Variants in SLC36A1 observed in about 807,000 individuals in gnomAD.
SLC36A1 encodes solute carrier family 36 member 1.
In SLC36A1, 30 loss-of-function variants were observed where a neutral mutation model predicts 47.5. That is an observed-to-expected ratio of 0.63 (90% CI 0.47 to 0.86). The LOEUF (loss-of-function observed/expected upper bound fraction) is 0.86. SLC36A1 is among the 40% of genes least tolerant of loss of function. The probability of loss-of-function intolerance (pLI) is 0.00; values close to 1 mark genes in which losing one functional copy is unlikely to be tolerated. For missense variants in SLC36A1, 517 were observed against 606.0 expected, an observed-to-expected ratio of 0.85 and a Z score of 1.54; for synonymous variants, 255 against 249.7, an observed-to-expected ratio of 1.02 and a Z score of -0.20.
At chr5:151,405,365 T>TG in the SLC36A1 span, among the ~76,000 whole-genome samples, 2 of 147,882 alleles carry the variant, frequency 1.4e-5, no homozygotes, top group Admixed American at 6.7e-5. Flanking sequence ...TTTTTTTTTT[T>TG]TTGAGATAGG....
At chr5:151,397,759 C>T in the SLC36A1 span, among the ~76,000 whole-genome samples, 913 of 51,426 alleles carry the variant, frequency 0.018, 3 homozygotes, top group Non-Finnish European at 0.023. Flanking sequence ...AGCAAAACTC[C>T]AACTCAAAAA....
chr5:151,453,284 AT>A (rs375198282), intron 1 of SLC36A1, among the ~76,000 whole-genome samples: 19 of 150,946 alleles, frequency 1.3e-4, no homozygotes, highest in Middle Eastern at 3.4e-3. Flanking sequence ...CCAGAAATCT[AT>A]TTTTTTTTCC....
the SLC36A1 span, among the ~76,000 whole-genome samples, chr5:151,429,440 C>T: frequency 2.7e-5 from 4 of 147,504 alleles, no homozygotes; most frequent in Non-Finnish European, 1.5e-5. Context: ...TGAGTGAGAA[C>T]ATAACAGTGT....
upstream of SLC36A1, among the ~76,000 whole-genome samples, chr5:151,433,267 T>C (rs1759552593): frequency 1.3e-4 from 1 of 7,650 alleles, no homozygotes; most frequent in African/African-American, 3.7e-4. Flanking sequence ...TATATATATA[T>C]TTTTTTTTTT....
the SLC36A1 span, among the ~76,000 whole-genome samples, chr5:151,541,229 T>C: frequency 6.6e-6 from 1 of 152,236 alleles, no homozygotes; most frequent in Admixed American, 6.5e-5. Context: ...TTGTAAGTCA[T>C]CTTTCTTTCC....
Position 151,473,741 on chromosome 5 carries a change from A to G in SLC36A1, c.792A>G (p.Thr264=), listed in dbSNP as rs1757644675. ...PWKTYPLFFG[T]AIFSFEGIGM... is the part of the protein sequence containing the mutation. ...AGACCTACCCTCTCTTCTTTGGCAC[A>G]GCGATTTTTTCATTTGAAGGCATTG... Residue 264 remains threonine, a synonymous_variant, in exon 8 of 11, where the codon ACA becomes ACG. Transcript: ENST00000243389. 2 of 1,614,012 alleles carry G rather than the reference A, an allele frequency of 1.2e-6. No individual in the cohort carries two copies. The highest frequency in any genetic ancestry group is 1.6e-4 in the Middle Eastern group (1 of 6,062).
chr5:151,551,708 T>C, the SLC36A1 span: 6 of 1,234,086 alleles, frequency 4.9e-6, no homozygotes, highest in Non-Finnish European at 6.9e-6. Flanking sequence ...CGGTGGTAAA[T>C]TCCACAGTAC....
chr5:151,520,119 C>G, the SLC36A1 span, among the ~76,000 whole-genome samples: 1 of 152,326 alleles, frequency 6.6e-6, no homozygotes, highest in South Asian at 2.1e-4. Context: ...ATCGAGTGGT[C>G]CCTGGACAAA....
chr5:151,479,414 T>A lies in SLC36A1; in HGVS notation c.1084T>A (p.Phe362Ile). 1 of 1,614,212 alleles carries A rather than the reference T, an allele frequency of 6.2e-7. No individual in the cohort carries two copies. The highest frequency in any genetic ancestry group is 8.5e-7 in the Non-Finnish European group (1 of 1,180,012). Residue 362 changes from phenylalanine (F) to isoleucine (I), a missense_variant, in exon 10 of 11, where the codon TTT becomes ATT. By Grantham distance (21) the Phe-to-Ile change is conservative. Coordinates refer to ENST00000243389, the MANE Select transcript of SLC36A1 (RefSeq NM_078483.4). Reference sequence around the variant, plus strand: ...CCCGGCTGAGATCATCATCCCCTTCTTTGTGTCCCGAGCGCCCGAGCACTG... The same window carrying A: ...CCCGGCTGAGATCATCATCCCCTTCATTGTGTCCCGAGCGCCCGAGCACTG... Reference protein sequence around the residue: ...YVPAEIIIPFFVSRAPEHCEL... With the variant: ...YVPAEIIIPFIVSRAPEHCEL...
chr5:151,375,527 GC>G, the SLC36A1 span, among the ~76,000 whole-genome samples: 2 of 151,952 alleles, frequency 1.3e-5, no homozygotes, highest in Non-Finnish European at 2.9e-5. Context: ...TGCTTTGGAT[GC>G]TTTGGCTATT....
chr5:151,544,890 G>C, the SLC36A1 span: 1 of 1,614,146 alleles, frequency 6.2e-7, no homozygotes, highest in Non-Finnish European at 8.5e-7. Context: ...TGCCATCTTG[G>C]ATGATTGTGT....
At chr5:151,500,294 G>C in the SLC36A1 span, among the ~76,000 whole-genome samples, 1 of 152,104 alleles carries the variant, frequency 6.6e-6, no homozygotes, top group African/African-American at 2.4e-5. Flanking sequence ...ATAAATTAGG[G>C]GTCCCTCAGT....
the SLC36A1 span, among the ~76,000 whole-genome samples, chr5:151,520,609 C>T: frequency 9.8e-5 from 15 of 152,306 alleles, no homozygotes; most frequent in Non-Finnish European, 1.8e-4. Flanking sequence ...GCTTTTATAA[C>T]TCTTACGTAA....
the SLC36A1 span, chr5:151,507,591 C>T: frequency 1.9e-6 from 3 of 1,605,478 alleles, no homozygotes; most frequent in Admixed American, 1.7e-5. Context: ...TTCTGAACAA[C>T]CCCTCGCCTC....
upstream of SLC36A1, among the ~76,000 whole-genome samples, chr5:151,446,725 G>GA (rs996037402): frequency 1.3e-5 from 2 of 152,122 alleles, no homozygotes; most frequent in Non-Finnish European, 1.5e-5. Context: ...GTGTGTTAGA[G>GA]AAAAAATGTG....
chr5:151,456,721 A>T lies in SLC36A1; in HGVS notation c.-5-2067A>T, dbSNP rs78469672. On this transcript the variant is annotated intron_variant, in intron 1 of 10. Coordinates refer to ENST00000243389, the MANE Select transcript of SLC36A1 (RefSeq NM_078483.4). ...TGGGATTTCCAGGTCCTTTGCTGGC[A>T]TTTTGCCAGGTACTTCCCTTGTGAG... Among the ~76,000 whole-genome samples, 1,628 of 152,266 alleles carry T rather than the reference A, an allele frequency of 0.011. 67 individuals are homozygous for T. The East Asian group carries it at 0.14, about 13-fold the overall frequency.
At chr5:151,379,818 T>C in the SLC36A1 span, among the ~76,000 whole-genome samples, 6 of 152,234 alleles carry the variant, frequency 3.9e-5, no homozygotes, top group African/African-American at 2.4e-5. Context: ...TTTATACTTA[T>C]GGCACGTCTC....
the SLC36A1 span, among the ~76,000 whole-genome samples, chr5:151,522,435 C>A: frequency 6.6e-6 from 1 of 152,158 alleles, no homozygotes; most frequent in Non-Finnish European, 1.5e-5. Context: ...TGTCCCTGTC[C>A]TCAAGGGCGC....
At chr5:151,412,448 A>T in the SLC36A1 span, 4 of 144,022 alleles carry the variant, frequency 2.8e-5, 1 homozygote, top group Non-Finnish European at 3.1e-5. Flanking sequence ...AATCTGGAGG[A>T]TGTGTTTCCA....
Sources: gnomAD v4.1 joint callset for allele counts (sites outside exome capture counted in the v4.1 genomes callset) on GRCh38, gnomAD v4.1.1 for gene constraint, MANE v1.5 for transcripts, NCBI Gene and HGNC (gene_info 2026-07-23, HGNC 2026-07-21) for gene names.